The following FOXP2 variants were observed in gnomAD, a reference collection of about 807,000 sequenced individuals.
The protein encoded by FOXP2 is forkhead box protein P2.
A neutral mutation model predicts 115.8 loss-of-function variants in FOXP2; 12 were observed. That is an observed-to-expected ratio of 0.10 (90% confidence interval 0.07 to 0.17). The LOEUF (loss-of-function observed/expected upper bound fraction) is 0.17. FOXP2 is among the 10% of genes least tolerant of loss of function. FOXP2 has a pLI of 1.00. For synonymous variants in FOXP2, 328 were observed against 297.7 expected, an observed-to-expected ratio of 1.10 and a Z score of -1.05; for missense variants, 629 against 843.5, an observed-to-expected ratio of 0.75 and a Z score of 3.15.
intron 1 of FOXP2, among the ~76,000 whole-genome samples, chr7:114,214,987 A>G (rs940684977): frequency 6.6e-6 from 1 of 152,190 alleles, no homozygotes; most frequent in African/African-American, 2.4e-5. Flanking sequence ...AGCATTTTGG[A>G]TATAGTTTAT....
chr7:114,229,184 C>A (rs890390345), intron 1 of FOXP2, among the ~76,000 whole-genome samples: 4 of 150,760 alleles, frequency 2.7e-5, no homozygotes, highest in African/African-American at 9.7e-5. Flanking sequence ...AGAGTAAATT[C>A]ATCATGAAGA....
chr7:114,581,928 T>C (rs1181605830), intron 3 of FOXP2, among the ~76,000 whole-genome samples: 4 of 152,126 alleles, frequency 2.6e-5, no homozygotes, highest in Non-Finnish European at 5.9e-5. Flanking sequence ...GAATATACCA[T>C]AGAGCAGTGA....
intron 1 of FOXP2, among the ~76,000 whole-genome samples, chr7:114,104,826 A>G (rs1348967061): frequency 1.3e-5 from 2 of 152,056 alleles, no homozygotes; most frequent in African/African-American, 2.4e-5. Flanking sequence ...TCAAATAAAG[A>G]TATCTTATAT....
chr7:114,339,048 T>G (rs1272210701), intron 2 of FOXP2, among the ~76,000 whole-genome samples: 1 of 151,112 alleles, frequency 6.6e-6, no homozygotes, highest in Non-Finnish European at 1.5e-5. Context: ...CTTTCTAAAC[T>G]AAATTGTAGC....
intron 2 of FOXP2, among the ~76,000 whole-genome samples, chr7:114,310,690 G>A (rs1797128150): frequency 6.6e-6 from 1 of 152,046 alleles, no homozygotes. Flanking sequence ...GGACAACCTG[G>A]GAGAAGTTAG....
intron 2 of FOXP2, among the ~76,000 whole-genome samples, chr7:114,491,192 A>G (rs1248516981): frequency 1.3e-5 from 2 of 152,002 alleles, no homozygotes; most frequent in Admixed American, 6.6e-5. Context: ...TTTAATGATC[A>G]TCATTCTAAC....
At chr7:114,682,391 C>T (rs1002641573) in intron 16 of FOXP2, among the ~76,000 whole-genome samples, 13 of 152,028 alleles carry the variant, frequency 8.6e-5, no homozygotes, top group African/African-American at 3.1e-4. Flanking sequence ...TAATTAAAAA[C>T]CTGTAGATAA....
At chr7:114,348,380 T>C (rs1380658832) in intron 2 of FOXP2, among the ~76,000 whole-genome samples, 7 of 152,080 alleles carry the variant, frequency 4.6e-5, no homozygotes, top group Non-Finnish European at 8.8e-5. Flanking sequence ...TTTCCTATGC[T>C]TCTCTTCTTC....
chr7:114,270,246 C>T lies in FOXP2; in HGVS notation c.-101-17773C>T, dbSNP rs577046906. On this transcript the variant is annotated intron_variant, in intron 1 of 17. Transcript: ENST00000634411. ...TACTGAAGGACATCTTGCTAGCCCC[C>T]AAGTTTTGGTAATTATGAATAAAGC... Among the ~76,000 whole-genome samples the T allele has an allele frequency of 2.6e-5, 4 of 152,236 alleles. No homozygotes were observed. The South Asian group carries it at 8.3e-4, about 32-fold the overall frequency.
Position 114,133,470 on chromosome 7 carries a change from A to T in FOXP2, c.-246-29474A>T, listed in dbSNP as rs140362934. On this transcript the variant is annotated intron_variant, in intron 1 of 19. Transcript: ENST00000635638. ...AATTACGAGGCTAGATGAGATCACC[A>T]AAGGTGGGTTCCTAGAAAGAAACAG... Among the ~76,000 whole-genome samples the T allele has an allele frequency of 2.6e-3, 396 of 152,370 alleles. 3 individuals carry two copies. The highest frequency in any genetic ancestry group is 9.1e-3 in the African/African-American group (378 of 41,588).
chr7:114,304,624 C>T (rs2690822), intron 2 of FOXP2, among the ~76,000 whole-genome samples: 81,876 of 143,214 alleles, frequency 0.57, 25,783 homozygotes, highest in Admixed American at 0.75. Flanking sequence ...GAGCCAAGAT[C>T]GCGCAACTGC....
chr7:114,262,504 A>G (rs1208086694), intron 1 of FOXP2, among the ~76,000 whole-genome samples: 2 of 152,180 alleles, frequency 1.3e-5, no homozygotes, highest in Admixed American at 1.3e-4. Context: ...ACAAACCTGC[A>G]CATATACTTC....
intron 2 of FOXP2, among the ~76,000 whole-genome samples, chr7:114,406,451 A>T (rs1334891910): frequency 6.6e-6 from 1 of 151,936 alleles, no homozygotes; most frequent in Non-Finnish European, 1.5e-5. Flanking sequence ...TTTAAATGTG[A>T]TGATTTTATT....
intron 1 of FOXP2, among the ~76,000 whole-genome samples, chr7:114,419,683 CCT>C (rs1012584654): frequency 6.6e-6 from 1 of 150,862 alleles, no homozygotes; most frequent in Non-Finnish European, 1.5e-5. Flanking sequence ...CGTCAAAAAA[CCT>C]CTGTGACAGG....
rs927015493 is a variant in FOXP2, at chr7:114,226,925, C to T, written c.-101-61094C>T. 2.6e-5 allele frequency among the ~76,000 whole-genome samples: 4 copies of T among 152,188 alleles called. No individual in the cohort carries two copies. In the East Asian group the frequency reaches 7.7e-4, roughly 29 times the overall value. Reference sequence around the variant, plus strand: ...TATTAAGCTGCAGTAATACAGACTTCATTGAAATCCATTTTACTTACAGCT... The same window carrying T: ...TATTAAGCTGCAGTAATACAGACTTTATTGAAATCCATTTTACTTACAGCT... On this transcript the variant is annotated intron_variant, in intron 1 of 17. Transcript: ENST00000634411.
intron 3 of FOXP2, among the ~76,000 whole-genome samples, chr7:114,586,597 T>G (rs1458324533): frequency 6.6e-6 from 1 of 152,076 alleles, no homozygotes; most frequent in Non-Finnish European, 1.5e-5. Flanking sequence ...TTTTATTTAA[T>G]TTTTACAAAT....
intron 2 of FOXP2, among the ~76,000 whole-genome samples, chr7:114,501,685 A>G (rs1170385497): frequency 6.6e-6 from 1 of 152,154 alleles, no homozygotes. Flanking sequence ...TTTAAGTGTT[A>G]AAGTAAAAAT....
chr7:114,504,356 C>G (rs772767480), intron 2 of FOXP2, among the ~76,000 whole-genome samples: 1 of 151,478 alleles, frequency 6.6e-6, no homozygotes. Context: ...GAGTGTTGAG[C>G]CATGATGATA....
rs200341220 is a variant in FOXP2 at position 114,267,728 on chromosome 7, AAAATAAATAAATAAATAAAT to A, written c.-101-20255_-101-20236del. On this transcript the variant is annotated intron_variant, in intron 1 of 17. Coordinates refer to the FOXP2 transcript ENST00000634411. ...GGAGACAGAGCGAGACTCCATCTCA[AAAATAAATAAATAAATAAAT>A]AAATAAATAAATAAATAAATAAATA... Among the ~76,000 whole-genome samples the A allele has an allele frequency of 1.5e-3, 203 of 131,818 alleles. 2 individuals are homozygous for A. The South Asian group carries it at 0.018, about 12-fold the overall frequency. The allele number at this position is 131,818 out of a possible 152,430, so 86.5% of individuals were successfully genotyped here.
Sources: gnomAD v4.1 joint callset for allele counts (sites outside exome capture counted in the v4.1 genomes callset) on GRCh38, gnomAD v4.1.1 for gene constraint, MANE v1.5 for transcripts, NCBI Gene and HGNC (gene_info 2026-07-23, HGNC 2026-07-21) for gene names.